Variants in LOXHD1 observed in about 807,000 individuals in gnomAD.
LOXHD1 encodes the protein lipoxygenase homology domain-containing protein 1.
In LOXHD1, 205 loss-of-function variants were observed where a neutral mutation model predicts 248.2. The ratio of observed to expected loss-of-function variants is 0.83; its 90% CI spans 0.74 to 0.93. LOXHD1 has a LOEUF of 0.93. Ranked by LOEUF, LOXHD1 falls within the 40% of genes least tolerant of loss-of-function variation. The pLI is 0.00. For synonymous variants in LOXHD1, 1,113 were observed against 1,162.8 expected (o/e 0.96, Z 0.87); for missense variants, 2,930 against 2,971.6 (o/e 0.99, Z 0.33).
intron 21 of LOXHD1, among the ~76,000 whole-genome samples, chr18:46,549,767 A>G (rs1050828462): frequency 4.6e-5 from 7 of 152,252 alleles, no homozygotes; most frequent in Non-Finnish European, 2.9e-5. Context: ...AACAATATTC[A>G]AGAATGGTAT....
intron 8 of LOXHD1, among the ~76,000 whole-genome samples, chr18:46,597,291 T>C (rs925368202): frequency 1.3e-5 from 2 of 152,036 alleles, no homozygotes; most frequent in African/African-American, 2.4e-5. Flanking sequence ...TCCAAAATAA[T>C]TTTAAAAGAA....
rs760600924 is a variant in LOXHD1, at chr18:46,538,151, A to T, written c.4095+5T>A. 8.5e-6 allele frequency: 13 copies of T among 1,528,596 alleles called. No homozygotes were observed. The African/African-American group carries it at 1.7e-4, about 19-fold the overall frequency. 94.7% of individuals were successfully genotyped at this position (1,528,596 alleles called of 1,614,324 possible). ...ATCCCTGGACAGCCTGCTGAGCCCA[A>T]GTACCTCTACGATGAAGCGGGAGGC... On this transcript the variant is annotated splice_donor_5th_base_variant and intron_variant, in intron 26 of 40. Coordinates refer to ENST00000642948, the MANE Select transcript of LOXHD1 (RefSeq NM_001384474.1).
At chr18:46,509,901 G>A (rs1295155009) in intron 34 of LOXHD1, 86 bp from the exon 35 acceptor site, 1 of 985,642 alleles carries the variant, frequency 1.0e-6, no homozygotes. Context: ...CAGGTTTGGG[G>A]TGAGGGAGAA....
chr18:46,567,050 G>A (rs1027323675), intron 16 of LOXHD1, among the ~76,000 whole-genome samples: 6 of 152,184 alleles, frequency 3.9e-5, no homozygotes, highest in African/African-American at 9.6e-5. Flanking sequence ...ATTGCTTTGC[G>A]ATTTTGCATT....
intron 2 of LOXHD1, among the ~76,000 whole-genome samples, chr18:46,642,793 C>G (rs947282448): frequency 2.0e-5 from 3 of 152,320 alleles, no homozygotes; most frequent in African/African-American, 7.2e-5. Context: ...ATGTCAACAG[C>G]TGTTCCATCC....
chr18:46,620,284 T>G (rs1162525022), intron 4 of LOXHD1, among the ~76,000 whole-genome samples: 1 of 152,188 alleles, frequency 6.6e-6, no homozygotes, highest in East Asian at 1.9e-4. Flanking sequence ...AGGGCTCACT[T>G]CACAGAGGCA....
intron 21 of LOXHD1, among the ~76,000 whole-genome samples, chr18:46,551,216 C>T (rs60114145): frequency 0.18 from 26,948 of 151,666 alleles, 2,577 homozygotes; most frequent in South Asian, 0.27. Context: ...CATTCTCCTG[C>T]CTCAGCCTCC....
At chr18:46,634,391 C>G (rs950928675) in intron 4 of LOXHD1, among the ~76,000 whole-genome samples, 2 of 152,198 alleles carry the variant, frequency 1.3e-5, no homozygotes, top group East Asian at 3.8e-4. Flanking sequence ...AATCCAAAAT[C>G]TGAAATCCTC....
intron 29 of LOXHD1, among the ~76,000 whole-genome samples, chr18:46,525,141 A>T (rs2035771704): frequency 6.6e-6 from 1 of 152,210 alleles, no homozygotes; most frequent in Non-Finnish European, 1.5e-5. Flanking sequence ...GTGTGGTGCC[A>T]TGGAGAAAAC....
intron 12 of LOXHD1, among the ~76,000 whole-genome samples, chr18:46,591,519 T>C (rs559695011): frequency 7.2e-4 from 109 of 152,364 alleles, no homozygotes; most frequent in South Asian, 2.1e-3. Flanking sequence ...TAATTAGAGA[T>C]AGAATACTTA....
At chr18:46,593,428 T>C (rs547605328) in intron 10 of LOXHD1, among the ~76,000 whole-genome samples, 172 bp downstream of exon 10, 2 of 152,326 alleles carry the variant, frequency 1.3e-5, no homozygotes, top group South Asian at 2.1e-4. Flanking sequence ...ATTCAATACA[T>C]TGCTTACAAA....
intron 21 of LOXHD1, among the ~76,000 whole-genome samples, chr18:46,552,833 C>T (rs2037162401): frequency 6.6e-6 from 1 of 152,166 alleles, no homozygotes; most frequent in South Asian, 2.1e-4. Flanking sequence ...TTTCCTGTTT[C>T]CCACCCCTTC....
rs191156108 is a variant in LOXHD1, at chr18:46,631,867, G to T, written c.511+7749C>A. 4.0e-3 allele frequency among the ~76,000 whole-genome samples: 604 copies of T among 152,330 alleles called. 2 individuals are homozygous for T. The highest frequency in any genetic ancestry group is 0.014 in the African/African-American group (577 of 41,556). ...CACTCCACAATCTCTGAACAGATTA[G>T]CACAGGGTGTCTAATACTGCCCTCA... On this transcript the variant is annotated intron_variant, in intron 4 of 40. Coordinates refer to ENST00000642948, the MANE Select transcript of LOXHD1 (RefSeq NM_001384474.1).
At chr18:46,557,574 C>A in intron 20 of LOXHD1, 85 bp from the exon 21 acceptor site, 1 of 1,509,102 alleles carries the variant, frequency 6.6e-7, no homozygotes, top group East Asian at 2.5e-5. Flanking sequence ...AGAACCAGGG[C>A]AGCCAGCCAG....
chr18:46,605,081 T>G (rs1568213013), intron 6 of LOXHD1, among the ~76,000 whole-genome samples: 1 of 152,210 alleles, frequency 6.6e-6, no homozygotes, highest in African/African-American at 2.4e-5. Context: ...AAGCATCTGG[T>G]AGCTTTGTAA....
rs1014914625 is a variant in LOXHD1, at chr18:46,593,814, T to C, written c.1271-54A>G. The C allele has an allele frequency of 2.6e-5, 40 of 1,537,282 alleles. No homozygotes were observed. In the African/African-American group the frequency reaches 5.2e-4, roughly 20 times the overall value. ...ACTTCAGGAAGTGAAGAGATTTTCA[T>C]ATTACCATGGGGAAGAAGGAAAAAT... On this transcript the variant is annotated intron_variant, in intron 9 of 40. Transcript: ENST00000642948.
chr18:46,522,346 C>A lies in LOXHD1; in HGVS notation c.4877-37G>T, dbSNP rs752897975. The A allele has an allele frequency of 9.9e-6, 15 of 1,519,032 alleles. No individual in the cohort carries two copies. The South Asian group carries it at 1.8e-4, about 18-fold the overall frequency. 94.1% of individuals were successfully genotyped at this position (1,519,032 alleles called of 1,614,324 possible). On this transcript the variant is annotated intron_variant, in intron 31 of 40. Transcript: ENST00000642948. ...CACGGGGCTCAGGTTCATAACAGACCAGATAGACAAGGCACTGCCTCATAG... is the reference window on the plus strand; with the variant it reads ...CACGGGGCTCAGGTTCATAACAGACAAGATAGACAAGGCACTGCCTCATAG...
intron 28 of LOXHD1, 71 bp from the exon 29 acceptor site, chr18:46,529,402 A>T: frequency 6.8e-7 from 1 of 1,468,746 alleles, no homozygotes; most frequent in Admixed American, 2.3e-5. Context: ...GTCTTGAGGA[A>T]CTGGATTTGT....
chr18:46,647,328 G>C (rs1289107780), intron 2 of LOXHD1, among the ~76,000 whole-genome samples: 1 of 152,234 alleles, frequency 6.6e-6, no homozygotes, highest in East Asian at 1.9e-4. Context: ...ATGTTATAAA[G>C]GGTGGCTCAG....
Sources: gnomAD v4.1 joint callset for allele counts (sites outside exome capture counted in the v4.1 genomes callset) on GRCh38, gnomAD v4.1.1 for gene constraint, MANE v1.5 for transcripts, NCBI Gene and HGNC (gene_info 2026-07-23, HGNC 2026-07-21) for gene names.